Variants in SBF2 observed in about 807,000 individuals in gnomAD.
SBF2 encodes the protein SET binding factor 2.
A neutral mutation model predicts 225.2 loss-of-function variants in SBF2; 112 were observed. That is an observed-to-expected ratio of 0.50 (90% CI 0.43 to 0.58). The LOEUF (loss-of-function observed/expected upper bound fraction) is 0.58, where lower values mean the gene tolerates loss of function less well. SBF2 is among the 20% of genes least tolerant of loss of function. The pLI, the probability that SBF2 is intolerant of heterozygous loss-of-function variation, is 0.00. For synonymous variants in SBF2, 763 were observed against 773.3 expected (o/e 0.99, Z 0.22); for missense variants, 1,996 against 2,206.2 (o/e 0.90, Z 1.91).
intron 1 of SBF2, among the ~76,000 whole-genome samples, chr11:10,216,533 G>A (rs1028347149): frequency 5.9e-5 from 9 of 152,214 alleles, no homozygotes; most frequent in Non-Finnish European, 1.2e-4. Context: ...TTTAAGGAAC[G>A]TAGAAGAATT....
At chr11:10,090,505 C>G (rs191680117) in intron 2 of SBF2, among the ~76,000 whole-genome samples, 2 of 152,098 alleles carry the variant, frequency 1.3e-5, no homozygotes, top group African/African-American at 2.4e-5. Context: ...TGGCTCATGC[C>G]TGTAATTCCA....
intron 16 of SBF2, chr11:9,957,314 C>G (rs974055224): frequency 6.6e-6 from 1 of 152,208 alleles, no homozygotes; most frequent in Non-Finnish European, 1.5e-5. Context: ...AACTTTCAAG[C>G]ACCACTTCCC....
intron 6 of SBF2, among the ~76,000 whole-genome samples, chr11:10,009,796 G>A (rs1948364929): frequency 6.6e-6 from 1 of 152,148 alleles, no homozygotes; most frequent in Non-Finnish European, 1.5e-5. Flanking sequence ...TGGGTCAAAT[G>A]GTATTTCTGG....
At chr11:9,875,522 C>T (rs762189395) in intron 17 of SBF2, among the ~76,000 whole-genome samples, 4 of 152,040 alleles carry the variant, frequency 2.6e-5, no homozygotes, top group Admixed American at 6.6e-5. Flanking sequence ...TGTCCATAAC[C>T]GAATATGAAA....
At chr11:10,017,797 AT>A in intron 6 of SBF2, among the ~76,000 whole-genome samples, 1 of 152,294 alleles carries the variant, frequency 6.6e-6, no homozygotes, top group African/African-American at 2.4e-5. Context: ...TAAGAAGTCA[AT>A]TACCAAACAC....
Position 10,193,616 on chromosome 11 carries a change from T to C in SBF2, c.141+286A>G, listed in dbSNP as rs11042661. 0.11 allele frequency among the ~76,000 whole-genome samples: 16,067 copies of C among 152,100 alleles called. 1,212 individuals carry two copies. Among genetic ancestry groups the C allele is most frequent in the East Asian group, 0.29 (1,474 of 5,158 alleles). ...ATCCGCCCGCCTTGGCCTCCCAAAG[T>C]GCTGGGATTACAGGCATGAGCCACC... On this transcript the variant is annotated intron_variant, in intron 2 of 39. Transcript: ENST00000256190.
At position 9,970,058 on chromosome 11, in the gene SBF2, C is replaced by T. The variant is rs188252096; in HGVS notation, c.1396-1513G>A. ...CAAACACTCCAGGTAGAATGGAATC[C>T]ATTCTTTCATAAAGTTCTCTAGGGA... On this transcript the variant is annotated intron_variant, in intron 13 of 39. Coordinates refer to ENST00000256190, the MANE Select transcript of SBF2 (RefSeq NM_030962.4). Among the ~76,000 whole-genome samples, 194 of 152,226 alleles carry T rather than the reference C, an allele frequency of 1.3e-3. 1 individual carries two copies. The highest frequency in any genetic ancestry group is 4.6e-3 in the African/African-American group (190 of 41,524).
chr11:9,848,836 A>T (rs1282072428), intron 22 of SBF2, among the ~76,000 whole-genome samples: 1 of 152,264 alleles, frequency 6.6e-6, no homozygotes, highest in Admixed American at 6.5e-5. Context: ...TAATTTTATG[A>T]ACTGTTGCGC....
intron 17 of SBF2, among the ~76,000 whole-genome samples, 164 bp downstream of exon 17, chr11:9,895,779 T>A (rs1343194187): frequency 6.6e-6 from 1 of 152,186 alleles, no homozygotes. Flanking sequence ...CTATATTAAA[T>A]TTCCTACACA....
At chr11:9,820,170 T>C (rs937548959) in intron 28 of SBF2, among the ~76,000 whole-genome samples, 2 of 152,246 alleles carry the variant, frequency 1.3e-5, no homozygotes, top group Admixed American at 6.5e-5. Context: ...AATGATTTTA[T>C]ATTTATTCAG....
chr11:10,050,464 TAACA>T (rs1950019942), intron 2 of SBF2, among the ~76,000 whole-genome samples: 1 of 152,170 alleles, frequency 6.6e-6, no homozygotes, highest in Non-Finnish European at 1.5e-5. Flanking sequence ...TATACATACA[TAACA>T]ATGATGTTTA....
At chr11:9,834,992 C>A (rs947892543) in intron 26 of SBF2, among the ~76,000 whole-genome samples, 1 of 152,082 alleles carries the variant, frequency 6.6e-6, no homozygotes, top group Non-Finnish European at 1.5e-5. Context: ...AGCTGGAGAG[C>A]CCCTCATGCT....
chr11:10,198,773 C>T (rs1398623219), intron 1 of SBF2, among the ~76,000 whole-genome samples: 2 of 152,246 alleles, frequency 1.3e-5, no homozygotes, highest in African/African-American at 4.8e-5. Context: ...TGCTGCTTCA[C>T]CTTGCACTTT....
At chr11:10,052,431 A>G (rs1950096769) in intron 2 of SBF2, among the ~76,000 whole-genome samples, 1 of 152,212 alleles carries the variant, frequency 6.6e-6, no homozygotes, top group South Asian at 2.1e-4. Flanking sequence ...ATCTGGGAAC[A>G]GGCAATGTGG....
chr11:9,832,138 G>A (rs1855438080), intron 27 of SBF2, 86 bp downstream of exon 27: 1 of 1,181,254 alleles, frequency 8.5e-7, no homozygotes. Context: ...TTGATGAAAA[G>A]GCACCATTCC....
intron 17 of SBF2, among the ~76,000 whole-genome samples, chr11:9,861,173 C>A (rs376301285): frequency 3.5e-4 from 54 of 152,298 alleles, no homozygotes; most frequent in East Asian, 1.5e-3. Context: ...TGCCAGCCCA[C>A]TACAAGTTTA....
rs144904120 is a variant in SBF2 at position 9,916,536 on chromosome 11, G to A, written c.1861-20525C>T. Among the ~76,000 whole-genome samples the A allele has an allele frequency of 4.8e-3, 733 of 152,020 alleles. 12 individuals carry two copies. In the South Asian group the frequency reaches 0.055, roughly 11 times the overall value. On this transcript the variant is annotated intron_variant, in intron 16 of 39. Coordinates refer to ENST00000256190, the MANE Select transcript of SBF2 (RefSeq NM_030962.4). Reference sequence around the variant, plus strand: ...GTGGTCAGGATAGTAACATGAAAGCGGCCTTGGAAATACTAAGAAACAATG... The same window carrying A: ...GTGGTCAGGATAGTAACATGAAAGCAGCCTTGGAAATACTAAGAAACAATG...
intron 1 of SBF2, among the ~76,000 whole-genome samples, chr11:10,245,350 A>G (rs1265741086): frequency 3.3e-5 from 5 of 152,002 alleles, no homozygotes; most frequent in Non-Finnish European, 5.9e-5. Context: ...GTTCCAGACT[A>G]TAGTGCACAA....
chr11:10,304,279 T>G (rs1291658989), intron 1 of SBF2, among the ~76,000 whole-genome samples: 1 of 152,202 alleles, frequency 6.6e-6, no homozygotes, highest in African/African-American at 2.4e-5. Context: ...GATGGATTAA[T>G]GAAGGCAGCC....
Sources: allele counts gnomAD v4.1 joint callset (sites outside exome capture counted in the v4.1 genomes callset), GRCh38; gene constraint gnomAD v4.1.1; transcripts MANE v1.5; gene names NCBI Gene and HGNC (gene_info 2026-07-23, HGNC 2026-07-21).